Variants in LRRC9 observed in about 807,000 individuals in gnomAD.
The protein encoded by LRRC9 is leucine-rich repeat-containing protein 9.
LRRC9 carries 122 observed loss-of-function variants against 63.2 expected under a neutral mutation model. The ratio of observed to expected loss-of-function variants is 1.93; its 90% CI spans 1.67 to 2.24. LRRC9 has a LOEUF of 2.24. Among genes scored for constraint, LRRC9 ranks in the 30% most tolerant of loss-of-function variants. The probability of loss-of-function intolerance (pLI) is 0.00; values close to 1 mark genes in which losing one functional copy is unlikely to be tolerated. For missense variants in LRRC9, 1,071 were observed against 627.7 expected (o/e 1.71, Z -7.55); for synonymous variants, 366 against 213.1 (o/e 1.72, Z -6.25).
At chr14:59,935,123 TA>T (rs34044624) in intron 6 of LRRC9, among the ~76,000 whole-genome samples, 47,954 of 117,438 alleles carry the variant, frequency 0.41, 8,522 homozygotes, top group South Asian at 0.48. Flanking sequence ...TTGTTTCTAC[TA>T]AAAAAAAAAA....
chr14:60,042,489 CGATCTCA>C lies in LRRC9; in HGVS notation c.3990+10429_3990+10435del, dbSNP rs1893037801. 6.6e-6 allele frequency among the ~76,000 whole-genome samples: 1 copy of C among 152,188 alleles called. No individual in the cohort carries two copies. Among genetic ancestry groups the C allele is most frequent in the Non-Finnish European group, 1.5e-5 (1 of 68,016 alleles). The stretch of plus-strand genomic sequence containing the variant: ...CTAGCCTCGCTGCTGCCTTGCAGTT[CGATCTCA>C]GACTGCTGTGCTGGCAGTGAGTGAG... On this transcript the variant is annotated intron_variant, in intron 29 of 31. Transcript: ENST00000445360. This position sits in a 1 kb window ranked among gnomAD's most constrained non-coding sequence, Gnocchi z 4.2.
chr14:59,951,452 C>G (rs1393916948), intron 8 of LRRC9, among the ~76,000 whole-genome samples: 5 of 128,304 alleles, frequency 3.9e-5, no homozygotes, highest in African/African-American at 1.4e-4. Context: ...AATGTCCTCC[C>G]GTAGCTCAGA....
At chr14:60,039,937 G>A (rs895231166) in intron 29 of LRRC9, among the ~76,000 whole-genome samples, 50 of 150,306 alleles carry the variant, frequency 3.3e-4, no homozygotes, top group Middle Eastern at 3.4e-3. Context: ...TGCTTTAAAT[G>A]TGTCCCAGAG....
At chr14:59,955,787 A>G (rs890621719) in intron 8 of LRRC9, among the ~76,000 whole-genome samples, 2 of 152,108 alleles carry the variant, frequency 1.3e-5, no homozygotes, top group African/African-American at 2.4e-5. Context: ...AGTGCTATAA[A>G]TTTCCCTCTT....
intron 1 of LRRC9, among the ~76,000 whole-genome samples, chr14:59,926,813 T>G (rs936188372): frequency 6.6e-6 from 1 of 152,144 alleles, no homozygotes; most frequent in Non-Finnish European, 1.5e-5. Context: ...CACTTTTAGG[T>G]AGAAACCCCA....
Position 59,990,108 on chromosome 14 carries a change from G to C in LRRC9, c.2211+4884G>C, listed in dbSNP as rs8013141. Among the ~76,000 whole-genome samples the C allele has an allele frequency of 2.5e-3, 380 of 151,998 alleles. 2 individuals are homozygous for C. The highest frequency in any genetic ancestry group is 8.9e-3 in the African/African-American group (368 of 41,472). ...ACACCCAGCTAACTTTGTATTTTTAGCAGAGATGAGGTTTCTCCGTGTTGG... is the reference window on the plus strand; with the variant it reads ...ACACCCAGCTAACTTTGTATTTTTACCAGAGATGAGGTTTCTCCGTGTTGG... On this transcript the variant is annotated intron_variant, in intron 17 of 31. Transcript: ENST00000445360. The surrounding 1 kb of genome is among the most constrained non-coding windows in gnomAD (Gnocchi z 4.2).
chr14:59,973,590 A>T (rs550429852), intron 12 of LRRC9: 1 of 152,266 alleles, frequency 6.6e-6, no homozygotes, highest in South Asian at 2.1e-4. Context: ...TGTGTACTCT[A>T]AAACTCCTCT....
chr14:60,035,291 C>G (rs1352581886), intron 29 of LRRC9, among the ~76,000 whole-genome samples: 1 of 152,094 alleles, frequency 6.6e-6, no homozygotes, highest in Non-Finnish European at 1.5e-5. Context: ...TTCTCCCATT[C>G]TGTGGGTTGT....
At chr14:60,065,413 C>T (rs976422905), downstream of LRRC9, among the ~76,000 whole-genome samples, 13 of 150,910 alleles carry the variant, frequency 8.6e-5, no homozygotes, top group African/African-American at 3.2e-4. Context: ...TTTAGGCGGC[C>T]AAGGTGGGCA....
At position 59,986,604 on chromosome 14, in the gene LRRC9, C is replaced by T. The variant is rs576876452; in HGVS notation, c.2211+1380C>T. On this transcript the variant is annotated intron_variant, in intron 17 of 31. Transcript: ENST00000445360. This position sits in a 1 kb window ranked among gnomAD's most constrained non-coding sequence, Gnocchi z 4.7. ...AGATTGTTGGTATTTTTATTTTTTT[C>T]TATTTATTTGCCAGCACTTCCAAAA... Among the ~76,000 whole-genome samples the T allele has an allele frequency of 3.2e-4, 48 of 152,126 alleles. No homozygotes were observed. Among genetic ancestry groups the T allele is most frequent in the African/African-American group, 1.1e-3 (44 of 41,514 alleles).
intron 25 of LRRC9, 148 bp from the exon 26 acceptor site, chr14:60,018,973 T>C (rs1890912142): frequency 2.3e-6 from 1 of 439,424 alleles, no homozygotes; most frequent in South Asian, 5.6e-5. Flanking sequence ...AAAAACACAT[T>C]GAAAACTAAA....
intron 23 of LRRC9, among the ~76,000 whole-genome samples, chr14:60,015,499 G>T (rs1300752265): frequency 6.6e-6 from 1 of 152,074 alleles, no homozygotes; most frequent in Non-Finnish European, 1.5e-5. Context: ...CCTCCATTTG[G>T]CTTCTGTTGA....
intron 29 of LRRC9, among the ~76,000 whole-genome samples, chr14:60,033,255 C>G (rs143178393): frequency 6.6e-6 from 1 of 152,140 alleles, no homozygotes; most frequent in East Asian, 1.9e-4. Context: ...AGATTATTAT[C>G]TGCAAATTTG....
At chr14:60,019,219 T>C (rs1464939261) in exon 26 of LRRC9, 1 of 700,052 alleles carries the variant, frequency 1.4e-6, no homozygotes, top group South Asian at 1.5e-5. Flanking sequence ...AGAAAGTGCC[T>C]TCAAGTGGCT....
intron 8 of LRRC9, among the ~76,000 whole-genome samples, chr14:59,949,803 G>A (rs1448310535): frequency 2.7e-5 from 4 of 147,696 alleles, no homozygotes; most frequent in East Asian, 2.1e-4. Context: ...ATAGTTGAGC[G>A]GCTTTGAGTG....
intron 1 of LRRC9, among the ~76,000 whole-genome samples, chr14:59,926,521 A>G (rs1889221217): frequency 6.6e-6 from 1 of 152,170 alleles, no homozygotes; most frequent in Non-Finnish European, 1.5e-5. Flanking sequence ...CATCATAGGT[A>G]TCTAATTTTA....
chr14:60,039,842 T>C (rs1249555317), intron 29 of LRRC9, among the ~76,000 whole-genome samples: 1 of 152,222 alleles, frequency 6.6e-6, no homozygotes, highest in Non-Finnish European at 1.5e-5. Flanking sequence ...TCTCGTTCTT[T>C]TAATTGTGAT....
At chr14:60,043,532 A>G (rs563875656) in intron 29 of LRRC9, among the ~76,000 whole-genome samples, 78 of 152,288 alleles carry the variant, frequency 5.1e-4, no homozygotes, top group African/African-American at 1.8e-3. Flanking sequence ...CCTTTTTGGC[A>G]TCTATTGAAA....
Position 59,927,466 on chromosome 14 carries a change from C to A in LRRC9, c.-33-445C>A, listed in dbSNP as rs749319383. 6.6e-6 allele frequency among the ~76,000 whole-genome samples: 1 copy of A among 152,022 alleles called. No homozygotes were observed. Among genetic ancestry groups the A allele is most frequent in the African/African-American group, 2.4e-5 (1 of 41,432 alleles). On this transcript the variant is annotated intron_variant, in intron 1 of 31. Coordinates refer to ENST00000445360, the Ensembl canonical transcript of LRRC9. This position sits in a 1 kb window ranked among gnomAD's most constrained non-coding sequence, Gnocchi z 4.4. ...TAAGCCCTAAGGATTCTTCTCTTTG[C>A]AGTCTAGGTATACTTAGAGAACTGT...
Sources: gnomAD v4.1 joint callset for allele counts (sites outside exome capture counted in the v4.1 genomes callset) on GRCh38, gnomAD v4.1.1 for gene constraint, Gnocchi (gnomAD v3.1) non-coding constraint, MANE v1.5 for transcripts, NCBI Gene and HGNC (gene_info 2026-07-23, HGNC 2026-07-21) for gene names.